TOGARAM1: variants seen among roughly 807,000 people sequenced by gnomAD.
TOGARAM1 encodes the protein TOG array regulator of axonemal microtubules protein 1.
Under a neutral mutation model 166.6 loss-of-function variants are expected in TOGARAM1, and 100 were observed. The ratio of observed to expected loss-of-function variants is 0.60; its 90% CI spans 0.51 to 0.71. TOGARAM1 has a LOEUF of 0.71. TOGARAM1 is among the 30% of genes least tolerant of loss of function. The pLI, the probability that TOGARAM1 is intolerant of heterozygous loss-of-function variation, is 0.00. For synonymous variants in TOGARAM1, 758 were observed against 763.8 expected (o/e 0.99, Z 0.13); for missense variants, 2,029 against 2,102.7 (o/e 0.96, Z 0.69).
chr14:45,043,579 G>C (rs1269019763), intron 11 of TOGARAM1, 107 bp from the exon 12 acceptor site: 1 of 717,426 alleles, frequency 1.4e-6, no homozygotes, highest in Admixed American at 2.4e-5. Flanking sequence ...TCACCTTTCT[G>C]AACCTCTTCC....
At chr14:45,003,231 G>A (rs895783558) in intron 3 of TOGARAM1, among the ~76,000 whole-genome samples, 1 of 152,046 alleles carries the variant, frequency 6.6e-6, no homozygotes, top group African/African-American at 2.4e-5. Flanking sequence ...AGTTGTTTAA[G>A]TCCTCAGAAG....
Position 45,009,124 on chromosome 14 carries a change from C to G in TOGARAM1, c.3116C>G (p.Thr1039Ser). The G allele has an allele frequency of 6.2e-7, 1 of 1,612,902 alleles. No individual in the cohort carries two copies. Among genetic ancestry groups the G allele is most frequent in the Non-Finnish European group, 8.5e-7 (1 of 1,178,962 alleles). Residue 1039 changes from threonine (T) to serine (S), a missense_variant, in exon 6 of 20, where the codon ACT becomes AGT. Physicochemically the swap from Thr to Ser is moderately conservative, Grantham distance 58. Around this residue, in one of 2 missense-constraint regions of TOGARAM1, gnomAD observed 1,453 missense variants for 1,432.2 expected, o/e 1.01. Transcript: ENST00000361462. ...QESLTSSLST[T>S]PQGKRIMSDI... ...TCATTGACTTCTTCTCTGTCTACAA[C>G]TCCCCAGGGGAAGAGAATAATGTAT...
intron 7 of TOGARAM1, among the ~76,000 whole-genome samples, chr14:45,023,818 G>A (rs1250414161): frequency 2.6e-5 from 4 of 151,964 alleles, no homozygotes; most frequent in Non-Finnish European, 2.9e-5. Flanking sequence ...TCGGCTGACT[G>A]CAACCTCTGC....
intron 16 of TOGARAM1, among the ~76,000 whole-genome samples, chr14:45,058,680 A>G (rs1028301102): frequency 6.6e-6 from 1 of 152,148 alleles, no homozygotes; most frequent in African/African-American, 2.4e-5. Context: ...TAGTTGGATC[A>G]TGTTTTTTAT....
At chr14:45,044,157 ACAC>A (rs1325557121) in intron 12 of TOGARAM1, among the ~76,000 whole-genome samples, 2 of 151,948 alleles carry the variant, frequency 1.3e-5, no homozygotes, top group Non-Finnish European at 2.9e-5. Flanking sequence ...TTACAGGCAC[ACAC>A]CACCACACCT....
At chr14:45,029,547 C>T (rs532438111) in intron 10 of TOGARAM1, among the ~76,000 whole-genome samples, 53 of 152,244 alleles carry the variant, frequency 3.5e-4, no homozygotes, top group African/African-American at 1.2e-3. Context: ...TTGTTTAGCT[C>T]TGTTTATGGT....
chr14:45,069,293 C>T (rs1255463463), intron 18 of TOGARAM1, among the ~76,000 whole-genome samples: 1 of 152,002 alleles, frequency 6.6e-6, no homozygotes, highest in African/African-American at 2.4e-5. Context: ...CGCTTGAACC[C>T]AGGAGGTGGA....
chr14:45,015,761 G>A (rs1047959076), intron 7 of TOGARAM1, among the ~76,000 whole-genome samples: 5 of 152,086 alleles, frequency 3.3e-5, no homozygotes, highest in Admixed American at 1.3e-4. Flanking sequence ...TCAGCAGTTT[G>A]AGTGGCAGTG....
chr14:45,071,798 G>A lies in TOGARAM1; in HGVS notation c.5056G>A (p.Asp1686Asn). ...ACAGGACATGACGGAAAAGCTTGCT[G>A]GTAAATACTTTGTAATTTCTAAAGA... is the stretch of plus-strand genomic sequence containing the variant. ...AKQDMTEKLA[D>N]IVTELYQRKP... is the part of the protein sequence containing the mutation. The change falls in exon 19 of 20, where the codon GAT becomes AAT. Residue 1686 changes from aspartate to asparagine, a missense_variant and splice_region_variant. By Grantham distance (23) the Asp-to-Asn change is conservative. This residue lies in a region of TOGARAM1 where 576 missense variants were observed against 670.5 expected (regional missense o/e 0.86). Transcript: ENST00000361462. The A allele has an allele frequency of 1.2e-6, 2 of 1,600,534 alleles. No individual in the cohort carries two copies. The highest frequency in any genetic ancestry group is 1.7e-6 in the Non-Finnish European group (2 of 1,174,944).
At chr14:44,996,414 A>G (rs1463372089) in intron 2 of TOGARAM1, 1 of 152,284 alleles carries the variant, frequency 6.6e-6, no homozygotes, top group African/African-American at 2.4e-5. Flanking sequence ...AACATGTTTG[A>G]GAAATACCAA....
At chr14:45,036,352 GA>G (rs1372929116) in intron 11 of TOGARAM1, among the ~76,000 whole-genome samples, 1 of 151,958 alleles carries the variant, frequency 6.6e-6, no homozygotes, top group Non-Finnish European at 1.5e-5. Context: ...ATTAAATGTA[GA>G]TGAACTAAAC....
intron 1 of TOGARAM1, among the ~76,000 whole-genome samples, chr14:44,973,763 AT>A (rs1272796330): frequency 1.3e-5 from 2 of 150,780 alleles, no homozygotes; most frequent in Non-Finnish European, 3.0e-5. Context: ...GTGAAAGATT[AT>A]TTCCCAGGGT....
chr14:45,056,867 C>T (rs1243381794), intron 16 of TOGARAM1, among the ~76,000 whole-genome samples: 3 of 152,036 alleles, frequency 2.0e-5, no homozygotes, highest in Admixed American at 2.0e-4. Context: ...TGATATTGGC[C>T]TCATAGAATA....
At position 45,046,567 on chromosome 14, in the gene TOGARAM1, A is replaced by G; in HGVS notation, c.4177A>G (p.Arg1393Gly). ...TAGCCATTTACACATTGCTGTAAGAAGGTGTACAGCCCAGCATTTATCAGA... is the reference window on the plus strand; with the variant it reads ...TAGCCATTTACACATTGCTGTAAGAGGGTGTACAGCCCAGCATTTATCAGA... Reference protein sequence around the residue: ...GQSHLHIAVRRCTAQHLSDVL... With the variant: ...GQSHLHIAVRGCTAQHLSDVL... Residue 1393 changes from arginine (R) to glycine (G), a missense_variant, in exon 14 of 20, where the codon AGG becomes GGG. By Grantham distance (125) the Arg-to-Gly change is moderately radical. Coordinates refer to ENST00000361462, the MANE Select transcript of TOGARAM1 (RefSeq NM_001308120.2). The G allele has an allele frequency of 1.5e-6, 2 of 1,327,952 alleles. No homozygotes were observed. The highest frequency in any genetic ancestry group is 9.7e-7 in the Non-Finnish European group (1 of 1,032,118). The allele number at this position is 1,327,952 out of a possible 1,614,324, so 82.3% of individuals were successfully genotyped here. A position where few individuals can be genotyped will look rare whatever the true frequency, so the allele number is the denominator to read the frequency against.
In TOGARAM1 at chr14:45,011,928, C is replaced by A. The variant is rs771375036; in HGVS notation, c.3138-47C>A. 3.0e-6 allele frequency: 4 copies of A among 1,323,114 alleles called. No homozygotes were observed. The East Asian group carries it at 7.0e-5, about 23-fold the overall frequency. The allele number at this position is 1,323,114 out of a possible 1,614,324, so 82.0% of individuals were successfully genotyped here. ...GACAATATGTGATGTGAGTATTGAA[C>A]AGCACTAAATCTTAATGTTTATTGA... is the stretch of plus-strand genomic sequence containing the variant. On this transcript the variant is annotated intron_variant, in intron 6 of 19. Coordinates refer to ENST00000361462, the MANE Select transcript of TOGARAM1 (RefSeq NM_001308120.2).
At chr14:45,005,471 C>T (rs1015148940) in intron 4 of TOGARAM1, among the ~76,000 whole-genome samples, 4 of 151,820 alleles carry the variant, frequency 2.6e-5, no homozygotes, top group African/African-American at 7.3e-5. Flanking sequence ...AAAAATTAGC[C>T]GGGCTGATGG....
chr14:44,996,564 A>G (rs979251435), intron 2 of TOGARAM1: 1 of 152,250 alleles, frequency 6.6e-6, no homozygotes, highest in Non-Finnish European at 1.5e-5. Context: ...CATTTTGAAG[A>G]AAGAATTGAC....
chr14:44,968,053 A>G (rs938201177), intron 1 of TOGARAM1, among the ~76,000 whole-genome samples: 1 of 152,160 alleles, frequency 6.6e-6, no homozygotes, highest in Non-Finnish European at 1.5e-5. Context: ...TGCATTTCTG[A>G]AATGCCAGCA....
chr14:45,026,328 G>A (rs1217174278), intron 8 of TOGARAM1, among the ~76,000 whole-genome samples: 1 of 152,068 alleles, frequency 6.6e-6, no homozygotes, highest in Admixed American at 6.6e-5. Flanking sequence ...ATCCTTTAAA[G>A]CTATTTTCTA....
Sources: allele counts gnomAD v4.1 joint callset (sites outside exome capture counted in the v4.1 genomes callset), GRCh38; gene constraint gnomAD v4.1.1; regional missense constraint gnomAD v4.1.1; transcripts MANE v1.5; gene names NCBI Gene and HGNC (gene_info 2026-07-23, HGNC 2026-07-21).